The following CMTR1 variants were observed in gnomAD, a reference collection of about 807,000 sequenced individuals.
CMTR1 encodes cap methyltransferase 1, also known as cap-specific mRNA (nucleoside-2'-O-)-methyltransferase 1.
In CMTR1, 39 loss-of-function variants were observed where a neutral mutation model predicts 107.0. That is an observed-to-expected ratio of 0.36 (90% CI 0.28 to 0.48). CMTR1 has a LOEUF of 0.48. Ranked by LOEUF, CMTR1 falls within the 20% of genes least tolerant of loss-of-function variation. The pLI, the probability that CMTR1 is intolerant of heterozygous loss-of-function variation, is 0.99. For synonymous variants in CMTR1, 366 were observed against 379.5 expected, an observed-to-expected ratio of 0.96 and a Z score of 0.41; for missense variants, 672 against 1,064.9, an observed-to-expected ratio of 0.63 and a Z score of 5.14.
At chr6:37,477,687 G>A (rs1271723918) in intron 21 of CMTR1, 48 bp downstream of exon 21, 3 of 1,274,294 alleles carry the variant, frequency 2.4e-6, no homozygotes, top group Non-Finnish European at 3.3e-6. Flanking sequence ...AGGTGGGGGT[G>A]CGGCCGTGTC....
At chr6:37,467,859 C>T (rs1443381045) in intron 13 of CMTR1, among the ~76,000 whole-genome samples, 2 of 152,104 alleles carry the variant, frequency 1.3e-5, no homozygotes, top group Non-Finnish European at 2.9e-5. Flanking sequence ...TTCTTATAGA[C>T]AACATGTGGT....
chr6:37,438,162 T>A (rs1771583048), intron 2 of CMTR1, among the ~76,000 whole-genome samples: 2 of 152,148 alleles, frequency 1.3e-5, no homozygotes, highest in African/African-American at 4.8e-5. Flanking sequence ...GGCGGATTGC[T>A]TGAGCCCAGG....
chr6:37,477,741 G>GGGGGGGGGGGGT, intron 21 of CMTR1, 102 bp downstream of exon 21: 1 of 421,202 alleles, frequency 2.4e-6, no homozygotes, highest in Non-Finnish European at 4.8e-6. Flanking sequence ...GGGGCGGGGG[G>GGGGGGGGGGGGT]TGGTGAGCTG....
chr6:37,481,275 C>G lies in CMTR1; in HGVS notation c.*1130C>G, dbSNP rs981039948. ...ATGGGAAATACCTCTCAGAGATGTT[C>G]ATGCAGGCTCCCTAGGGCCCCATCC... On this transcript the variant is annotated 3_prime_UTR_variant, in exon 24 of 24. Coordinates refer to ENST00000373451, the MANE Select transcript of CMTR1 (RefSeq NM_015050.3). 5 of 1,258,200 alleles carry G rather than the reference C, an allele frequency of 4.0e-6. No homozygotes were observed. Among genetic ancestry groups the G allele is most frequent in the Non-Finnish European group, 5.1e-6 (5 of 971,898 alleles). 77.9% of individuals were successfully genotyped at this position (1,258,200 alleles called of 1,614,324 possible).
intron 14 of CMTR1, among the ~76,000 whole-genome samples, 173 bp from the exon 15 acceptor site, chr6:37,471,674 A>G (rs1761629957): frequency 6.6e-6 from 1 of 152,182 alleles, no homozygotes; most frequent in Admixed American, 6.5e-5. Flanking sequence ...TGTCTTCAAA[A>G]GGAGAGCCTT....
chr6:37,447,169 A>G (rs958416779), intron 4 of CMTR1, among the ~76,000 whole-genome samples: 1 of 152,268 alleles, frequency 6.6e-6, no homozygotes, highest in Non-Finnish European at 1.5e-5. Context: ...GAACTCAAAC[A>G]TCTAGCTTTC....
At chr6:37,461,778 AT>A in intron 11 of CMTR1, 133 bp downstream of exon 11, 1 of 836,352 alleles carries the variant, frequency 1.2e-6, no homozygotes, top group Non-Finnish European at 1.9e-6. Flanking sequence ...TAAATGAGTA[AT>A]TTAGGGAAGA....
At chr6:37,443,330 A>G (rs988933041) in intron 2 of CMTR1, among the ~76,000 whole-genome samples, 1 of 151,978 alleles carries the variant, frequency 6.6e-6, no homozygotes, top group Non-Finnish European at 1.5e-5. Flanking sequence ...TCTTCAGTAA[A>G]TACACTTTAT....
chr6:37,472,313 T>A lies in CMTR1; in HGVS notation c.1621-106T>A, dbSNP rs1346106219. 16 of 985,744 alleles carry A rather than the reference T, an allele frequency of 1.6e-5. No homozygotes were observed. Among genetic ancestry groups the A allele is most frequent in the East Asian group, 2.4e-5 (1 of 41,588 alleles). 61.1% of individuals were successfully genotyped at this position (985,744 alleles called of 1,614,324 possible). On this transcript the variant is annotated intron_variant, in intron 15 of 23. Transcript: ENST00000373451. The surrounding 1 kb of genome is among the most constrained non-coding windows in gnomAD (Gnocchi z 4.1). ...GCCTAGCCTCCTTTGTTGTGTGCCA[T>A]TCCTCCTCCCCAGTCTGACCCTATC...
In CMTR1 at chr6:37,446,805, C is replaced by T. The variant is rs370313397; in HGVS notation, c.444+356C>T. ...TCTCTGCTGAAAGTGTTCAGGCAGG[C>T]CAAGGGAGCACCCACTCTCTCACTG... On this transcript the variant is annotated intron_variant, in intron 4 of 23. Coordinates refer to ENST00000373451, the MANE Select transcript of CMTR1 (RefSeq NM_015050.3). Among the ~76,000 whole-genome samples the T allele has an allele frequency of 7.2e-5, 11 of 152,304 alleles. No homozygotes were observed. In the South Asian group the frequency reaches 8.3e-4, roughly 11 times the overall value.
At chr6:37,473,670 T>C in intron 17 of CMTR1, 69 bp downstream of exon 17, 1 of 1,546,736 alleles carries the variant, frequency 6.5e-7, no homozygotes, top group Non-Finnish European at 8.8e-7. Flanking sequence ...TCTGGACAGC[T>C]GCCTGCCACA....
At chr6:37,468,670 G>A (rs1761557771) in intron 13 of CMTR1, among the ~76,000 whole-genome samples, 1 of 151,702 alleles carries the variant, frequency 6.6e-6, no homozygotes. Flanking sequence ...GATCACCTGA[G>A]GTCAGGAGTT....
intron 13 of CMTR1, among the ~76,000 whole-genome samples, chr6:37,468,059 G>T (rs1168822801): frequency 1.4e-5 from 2 of 147,690 alleles, no homozygotes; most frequent in East Asian, 4.4e-4. Context: ...TTTTGTGGGG[G>T]GGGGGACTAA....
chr6:37,477,685 GT>G, intron 21 of CMTR1, 46 bp downstream of exon 21: 1 of 1,310,828 alleles, frequency 7.6e-7, no homozygotes, highest in Non-Finnish European at 1.1e-6. Context: ...GGAGGTGGGG[GT>G]GCGGCCGTGT....
At position 37,472,563 on chromosome 6, in the gene CMTR1, A is replaced by G; in HGVS notation, c.1689+76A>G. 7.1e-7 allele frequency: 1 copy of G among 1,404,596 alleles called. No individual in the cohort carries two copies. Among genetic ancestry groups the G allele is most frequent in the South Asian group, 1.2e-5 (1 of 86,256 alleles). 87.0% of individuals were successfully genotyped at this position (1,404,596 alleles called of 1,614,324 possible). On this transcript the variant is annotated intron_variant, in intron 16 of 23. Coordinates refer to ENST00000373451, the MANE Select transcript of CMTR1 (RefSeq NM_015050.3). The surrounding 1 kb of genome is among the most constrained non-coding windows in gnomAD (Gnocchi z 4.1). ...ATGTGGATGGTATCACTGAGGCCCC[A>G]GATGCATGGTCTCCAGAGGGCTTGT... is the stretch of plus-strand genomic sequence containing the variant.
Position 37,480,544 on chromosome 6 carries a change from A to T in CMTR1, c.*399A>T. ...TCCATGCACTGCCCTGAGGGTAGCC[A>T]TGCCCTTGCTTTGCCCAACTTTTTA... On this transcript the variant is annotated 3_prime_UTR_variant, in exon 24 of 24. Transcript: ENST00000373451. 1 of 1,053,046 alleles carries T rather than the reference A, an allele frequency of 9.5e-7. No homozygotes were observed. The highest frequency in any genetic ancestry group is 1.1e-6 in the Non-Finnish European group (1 of 874,142). 65.2% of individuals were successfully genotyped at this position (1,053,046 alleles called of 1,614,324 possible).
intron 17 of CMTR1, 116 bp downstream of exon 17, chr6:37,473,717 C>A: frequency 1.6e-6 from 2 of 1,255,156 alleles, no homozygotes; most frequent in Middle Eastern, 2.6e-4. Flanking sequence ...GTAGCTGTTG[C>A]TTTGACCCTA....
chr6:37,475,607 G>A (rs1442110324), intron 19 of CMTR1, 195 bp downstream of exon 19: 2 of 600,372 alleles, frequency 3.3e-6, no homozygotes, highest in African/African-American at 3.7e-5. Context: ...GTTTGCTAGG[G>A]CTTGGGCCCT....
At chr6:37,478,158 ACCCTGAAAT>A (rs1228667415) in intron 21 of CMTR1, among the ~76,000 whole-genome samples, 1 of 151,914 alleles carries the variant, frequency 6.6e-6, no homozygotes, top group African/African-American at 2.4e-5. Flanking sequence ...TACTGGTGTC[ACCCTGAAAT>A]CCCTCAAGCA....
Sources: gnomAD v4.1 joint callset for allele counts (sites outside exome capture counted in the v4.1 genomes callset) on GRCh38, gnomAD v4.1.1 for gene constraint, Gnocchi (gnomAD v3.1) non-coding constraint, MANE v1.5 for transcripts, NCBI Gene and HGNC (gene_info 2026-07-23, HGNC 2026-07-21) for gene names.